The following AGMO variants were observed in gnomAD, a reference collection of about 807,000 sequenced individuals.
AGMO encodes alkylglycerol monooxygenase, also known as glyceryl-ether monooxygenase.
In AGMO, 75 loss-of-function variants were observed where a neutral mutation model predicts 60.2. The ratio of observed to expected loss-of-function variants is 1.25; its 90% CI spans 1.03 to 1.51. The LOEUF (loss-of-function observed/expected upper bound fraction) is 1.51, where lower values mean the gene tolerates loss of function less well. Ranked by LOEUF, AGMO falls within the 40% of genes most tolerant of loss-of-function variation. The pLI is 0.00. For missense variants in AGMO, 763 were observed against 525.5 expected (o/e 1.45, Z -4.42); for synonymous variants, 261 against 177.1 (o/e 1.47, Z -3.76).
intron 12 of AGMO, among the ~76,000 whole-genome samples, chr7:15,303,699 G>A (rs761798356): frequency 3.9e-5 from 6 of 152,130 alleles, no homozygotes; most frequent in Non-Finnish European, 8.8e-5. Flanking sequence ...GAAGAAGGAA[G>A]TGGAGCATGG....
chr7:15,122,378 T>C, the AGMO span, among the ~76,000 whole-genome samples: 2 of 152,154 alleles, frequency 1.3e-5, no homozygotes, highest in Non-Finnish European at 2.9e-5. Context: ...TCACCGTCTT[T>C]GTTCACATCA....
intron 12 of AGMO, among the ~76,000 whole-genome samples, chr7:15,219,644 A>T (rs1209081768): frequency 6.6e-6 from 1 of 152,162 alleles, no homozygotes; most frequent in African/African-American, 2.4e-5. Flanking sequence ...TTTACTCTTC[A>T]GCACCCAGGC....
intron 12 of AGMO, among the ~76,000 whole-genome samples, chr7:15,350,262 T>G (rs905365346): frequency 6.6e-6 from 1 of 152,190 alleles, no homozygotes; most frequent in Non-Finnish European, 1.5e-5. Flanking sequence ...TCTTGTGCTG[T>G]ACATTAAATC....
chr7:15,524,899 T>A (rs1784084289), intron 3 of AGMO, among the ~76,000 whole-genome samples: 1 of 151,494 alleles, frequency 6.6e-6, no homozygotes, highest in Admixed American at 6.6e-5. Context: ...TCTTTGTATG[T>A]CTTTGTTTAT....
At chr7:15,412,429 C>A (rs1191502285) in intron 5 of AGMO, among the ~76,000 whole-genome samples, 1 of 151,748 alleles carries the variant, frequency 6.6e-6, no homozygotes, top group Non-Finnish European at 1.5e-5. Context: ...AGGGGGAAAT[C>A]CTAGAAAGAC....
At chr7:15,503,626 T>C (rs1783441983) in intron 3 of AGMO, among the ~76,000 whole-genome samples, 1 of 152,050 alleles carries the variant, frequency 6.6e-6, no homozygotes, top group Non-Finnish European at 1.5e-5. Flanking sequence ...ATAACTGGCG[T>C]CCATTTGTCT....
chr7:15,343,005 G>A (rs539678263), intron 12 of AGMO, among the ~76,000 whole-genome samples: 1 of 151,896 alleles, frequency 6.6e-6, no homozygotes, highest in Non-Finnish European at 1.5e-5. Context: ...TCCCTTTTAT[G>A]AATGTTTTTT....
intron 3 of AGMO, among the ~76,000 whole-genome samples, chr7:15,510,258 G>A (rs113067158): frequency 2.6e-5 from 4 of 152,038 alleles, no homozygotes; most frequent in African/African-American, 9.6e-5. Context: ...CTCCACCTCC[G>A]AGGCTCAAGT....
At chr7:15,408,699 G>A (rs1776085817) in intron 5 of AGMO, among the ~76,000 whole-genome samples, 2 of 151,908 alleles carry the variant, frequency 1.3e-5, no homozygotes. Flanking sequence ...TGTTTACCAG[G>A]CTTTGAATCA....
At chr7:15,264,417 C>T (rs1036490016) in intron 12 of AGMO, among the ~76,000 whole-genome samples, 3 of 151,836 alleles carry the variant, frequency 2.0e-5, no homozygotes, top group Admixed American at 6.6e-5. Context: ...GGAAAAAATG[C>T]ACCCTAGATT....
At chr7:15,518,404 C>A (rs1783882248) in intron 3 of AGMO, among the ~76,000 whole-genome samples, 2 of 152,168 alleles carry the variant, frequency 1.3e-5, no homozygotes, top group Non-Finnish European at 2.9e-5. Context: ...GGTCAACAGG[C>A]ACCTCATACA....
chr7:15,412,836 T>G (rs1376255973), intron 5 of AGMO, among the ~76,000 whole-genome samples: 1 of 152,126 alleles, frequency 6.6e-6, no homozygotes, highest in Non-Finnish European at 1.5e-5. Context: ...ACAGGGTAGT[T>G]AGCCAATTAT....
At chr7:15,306,532 C>A (rs1165466652) in intron 12 of AGMO, 2 of 468,466 alleles carry the variant, frequency 4.3e-6, no homozygotes, top group Admixed American at 2.4e-5. Context: ...TTCTCCTTGG[C>A]CTGGAGCCCA....
chr7:15,363,603 T>A (rs1782848646), intron 12 of AGMO, among the ~76,000 whole-genome samples: 1 of 152,138 alleles, frequency 6.6e-6, no homozygotes, highest in African/African-American at 2.4e-5. Context: ...CCATTTACTT[T>A]TATCTATTAA....
intron 5 of AGMO, among the ~76,000 whole-genome samples, chr7:15,408,002 AG>A (rs879374129): frequency 1.3e-5 from 2 of 151,930 alleles, no homozygotes; most frequent in South Asian, 2.1e-4. Flanking sequence ...TGTAAAGAAA[AG>A]TGCATCGAGC....
At chr7:15,458,203 G>C (rs1442411192) in intron 3 of AGMO, among the ~76,000 whole-genome samples, 2 of 152,260 alleles carry the variant, frequency 1.3e-5, no homozygotes, top group East Asian at 3.9e-4. Context: ...ACAGCCAGGA[G>C]TCTCCTCTCA....
chr7:15,360,286 G>C (rs1782698951), intron 12 of AGMO, among the ~76,000 whole-genome samples: 1 of 152,132 alleles, frequency 6.6e-6, no homozygotes, highest in Non-Finnish European at 1.5e-5. Context: ...TTAGCAATAA[G>C]TACACTCGAC....
chr7:15,173,867 T>A, the AGMO span, among the ~76,000 whole-genome samples: 1 of 151,782 alleles, frequency 6.6e-6, no homozygotes, highest in Non-Finnish European at 1.5e-5. Context: ...GGGATCTAAT[T>A]TTTAGGAAAT....
the AGMO span, among the ~76,000 whole-genome samples, chr7:15,131,771 C>CACAG: frequency 2.0e-4 from 30 of 151,528 alleles, 1 homozygote; most frequent in Non-Finnish European, 3.5e-4. Flanking sequence ...CACACACACA[C>CACAG]ACACACACAC....
Sources: allele counts gnomAD v4.1 joint callset (sites outside exome capture counted in the v4.1 genomes callset), GRCh38; gene constraint gnomAD v4.1.1; transcripts MANE v1.5; gene names NCBI Gene and HGNC (gene_info 2026-07-23, HGNC 2026-07-21).